TOX: variants seen among roughly 807,000 people sequenced by gnomAD.
The protein encoded by TOX is thymocyte selection associated high mobility group box.
TOX carries 11 observed loss-of-function variants against 53.7 expected under a neutral mutation model. That is an observed-to-expected ratio of 0.20 (90% CI 0.13 to 0.34). TOX has a LOEUF of 0.34. Among genes scored for constraint, TOX ranks in the 10% least tolerant of loss-of-function variants. The pLI is 1.00. For synonymous variants in TOX, 225 were observed against 245.3 expected, an observed-to-expected ratio of 0.92 and a Z score of 0.77; for missense variants, 570 against 664.6, an observed-to-expected ratio of 0.86 and a Z score of 1.56.
chr8:58,947,513 C>T (rs1900774), intron 2 of TOX, among the ~76,000 whole-genome samples: 45,491 of 151,952 alleles, frequency 0.3, 7,175 homozygotes, highest in East Asian at 0.4. Flanking sequence ...TGTTTTATTA[C>T]ATTACTTAAT....
intron 5 of TOX, among the ~76,000 whole-genome samples, chr8:58,827,618 C>T (rs1197903990): frequency 1.3e-5 from 2 of 152,142 alleles, no homozygotes; most frequent in Non-Finnish European, 2.9e-5. Context: ...TAAAAGTGTT[C>T]TGAAATGAAT....
chr8:58,895,346 T>C (rs1036031400), intron 3 of TOX, among the ~76,000 whole-genome samples: 1 of 152,206 alleles, frequency 6.6e-6, no homozygotes, highest in African/African-American at 2.4e-5. Context: ...AAAGATTATA[T>C]AGTAGTTCTT....
intron 4 of TOX, among the ~76,000 whole-genome samples, chr8:58,841,499 A>C (rs542539886): frequency 6.6e-6 from 1 of 152,358 alleles, no homozygotes; most frequent in Admixed American, 6.5e-5. Flanking sequence ...AAAGGAGTCA[A>C]CAAGGTCCAC....
intron 1 of TOX, among the ~76,000 whole-genome samples, chr8:59,082,168 TA>T (rs1804421320): frequency 1.3e-5 from 2 of 152,232 alleles, no homozygotes; most frequent in Non-Finnish European, 2.9e-5. Context: ...TAATACTCTT[TA>T]TTTGTCTGGT....
chr8:58,912,474 A>G (rs1811924998), intron 3 of TOX, among the ~76,000 whole-genome samples: 1 of 152,054 alleles, frequency 6.6e-6, no homozygotes, highest in Non-Finnish European at 1.5e-5. Flanking sequence ...TCTTTTTTCC[A>G]TCTGGGGAAA....
At chr8:59,052,722 T>A (rs1246004371) in intron 1 of TOX, among the ~76,000 whole-genome samples, 1 of 152,170 alleles carries the variant, frequency 6.6e-6, no homozygotes, top group African/African-American at 2.4e-5. Flanking sequence ...GCTTAACATC[T>A]CTGTTCATTT....
chr8:59,032,083 C>T (rs1814367153), intron 1 of TOX, among the ~76,000 whole-genome samples: 1 of 152,138 alleles, frequency 6.6e-6, no homozygotes, highest in Admixed American at 6.6e-5. Context: ...TAAAGCAATC[C>T]ATACGAGCTG....
chr8:59,068,217 C>T (rs2914091), intron 1 of TOX, among the ~76,000 whole-genome samples: 19,156 of 151,954 alleles, frequency 0.13, 2,636 homozygotes, highest in East Asian at 0.43. Flanking sequence ...TAACTCTGAA[C>T]GGTGAAAATA....
chr8:58,815,231 G>A, intron 7 of TOX, 107 bp downstream of exon 7: 11 of 1,402,104 alleles, frequency 7.8e-6, no homozygotes, highest in Non-Finnish European at 1.0e-5. Flanking sequence ...TAGAAGGATA[G>A]AAAACACATA....
chr8:58,827,031 C>T (rs1810377531), intron 5 of TOX, 129 bp from the exon 6 acceptor site: 3 of 501,442 alleles, frequency 6.0e-6, no homozygotes, highest in Non-Finnish European at 9.1e-6. Flanking sequence ...TATATATCTC[C>T]CCAAAGATTG....
intron 1 of TOX, among the ~76,000 whole-genome samples, chr8:59,075,366 C>T (rs998920924): frequency 6.6e-5 from 10 of 152,198 alleles, no homozygotes; most frequent in African/African-American, 2.2e-4. Context: ...GAGACCCTCA[C>T]ATGAGAGGTG....
At chr8:59,054,859 GAGAA>G (rs531219207) in intron 1 of TOX, among the ~76,000 whole-genome samples, 43 of 131,666 alleles carry the variant, frequency 3.3e-4, no homozygotes, top group Admixed American at 3.1e-3. Context: ...AAAAAAGAGA[GAGAA>G]AGAGAAAGCA....
intron 3 of TOX, among the ~76,000 whole-genome samples, chr8:58,934,773 G>C (rs945740971): frequency 6.6e-6 from 1 of 152,136 alleles, no homozygotes; most frequent in Non-Finnish European, 1.5e-5. Flanking sequence ...ATACAGGCTT[G>C]CTTTTCTCAT....
intron 1 of TOX, among the ~76,000 whole-genome samples, chr8:58,985,238 T>A (rs1302303672): frequency 6.6e-6 from 1 of 151,858 alleles, no homozygotes; most frequent in Non-Finnish European, 1.5e-5. Context: ...TGGAAGCAAC[T>A]CAAATATCCA....
At chr8:59,097,454 A>C (rs540584874) in intron 1 of TOX, among the ~76,000 whole-genome samples, 1 of 152,326 alleles carries the variant, frequency 6.6e-6, no homozygotes, top group South Asian at 2.1e-4. Flanking sequence ...TTTAATCCTC[A>C]TTATAAATTC....
At chr8:58,858,245 C>T (rs758462685) in intron 3 of TOX, among the ~76,000 whole-genome samples, 10 of 152,156 alleles carry the variant, frequency 6.6e-5, no homozygotes, top group Non-Finnish European at 1.0e-4. Flanking sequence ...ACTTGAATGG[C>T]ACCAGAACGA....
intron 6 of TOX, among the ~76,000 whole-genome samples, 162 bp downstream of exon 6, chr8:58,826,660 G>A (rs148908194): frequency 1.4e-4 from 21 of 152,306 alleles, no homozygotes; most frequent in African/African-American, 4.8e-4. Context: ...GGAGCTGAAC[G>A]AATATTTCCA....
chr8:58,909,566 CA>C (rs1169357721), intron 3 of TOX, among the ~76,000 whole-genome samples: 4 of 151,990 alleles, frequency 2.6e-5, no homozygotes, highest in South Asian at 2.1e-4. Flanking sequence ...TCAGACTTGC[CA>C]AATCAGCATC....
At chr8:58,998,534 T>TATATATATATATATAAA (rs1554537351) in intron 1 of TOX, among the ~76,000 whole-genome samples, 1 of 18,352 alleles carries the variant, frequency 5.4e-5, no homozygotes, top group African/African-American at 1.7e-4. Flanking sequence ...TATATATATA[T>TATATATATATATATAAA]ATATAAATTT....
Sources: gnomAD v4.1 joint callset for allele counts (sites outside exome capture counted in the v4.1 genomes callset) on GRCh38, gnomAD v4.1.1 for gene constraint, MANE v1.5 for transcripts, NCBI Gene and HGNC (gene_info 2026-07-23, HGNC 2026-07-21) for gene names.